Variants in CSMD3 observed in about 807,000 individuals in gnomAD.
The protein encoded by CSMD3 is CUB and Sushi multiple domains 3, also known as CUB and sushi domain-containing protein 3.
Under a neutral mutation model 435.2 loss-of-function variants are expected in CSMD3, and 177 were observed. That is an observed-to-expected ratio of 0.41 (90% CI 0.36 to 0.46). The LOEUF (loss-of-function observed/expected upper bound fraction) is 0.46, where lower values mean the gene tolerates loss of function less well. Among genes scored for constraint, CSMD3 ranks in the 20% least tolerant of loss-of-function variants. CSMD3 has a pLI of 0.34. For missense variants in CSMD3, 4,265 were observed against 4,504.6 expected (o/e 0.95, Z 1.52); for synonymous variants, 1,656 against 1,520.5 (o/e 1.09, Z -2.07).
At chr8:113,222,953 G>A (rs997500249) in intron 3 of CSMD3, among the ~76,000 whole-genome samples, 1 of 150,764 alleles carries the variant, frequency 6.6e-6, no homozygotes, top group African/African-American at 2.4e-5. Context: ...TCACATTCAG[G>A]TGGTTATTTA....
intron 13 of CSMD3, among the ~76,000 whole-genome samples, chr8:112,782,280 A>G (rs1011668948): frequency 1.3e-5 from 2 of 152,156 alleles, no homozygotes; most frequent in Non-Finnish European, 2.9e-5. Context: ...TATGGAGCTG[A>G]AAAAGGCAAT....
chr8:113,319,332 T>C (rs1383835081), intron 1 of CSMD3, among the ~76,000 whole-genome samples: 2 of 152,086 alleles, frequency 1.3e-5, no homozygotes, highest in East Asian at 1.9e-4. Context: ...TCTTTTCATA[T>C]ACCTTTTTGC....
At chr8:113,000,054 G>C (rs984909575) in intron 6 of CSMD3, among the ~76,000 whole-genome samples, 3 of 151,928 alleles carry the variant, frequency 2.0e-5, no homozygotes, top group Non-Finnish European at 4.4e-5. Flanking sequence ...GGAACTGCAG[G>C]GGATGACCCA....
intron 24 of CSMD3, among the ~76,000 whole-genome samples, chr8:112,564,345 C>T (rs1210714727): frequency 1.3e-5 from 2 of 150,424 alleles, no homozygotes; most frequent in Non-Finnish European, 3.0e-5. Flanking sequence ...CTCCCTTCTC[C>T]CCTCCTTTCT....
In CSMD3 at chr8:112,533,044, T is replaced by A. The variant is rs952220324; in HGVS notation, c.4565-15819A>T. 3.9e-5 allele frequency among the ~76,000 whole-genome samples: 6 copies of A among 152,202 alleles called. No individual in the cohort carries two copies. In the East Asian group the frequency reaches 9.6e-4, roughly 24 times the overall value. Reference sequence around the variant, plus strand: ...GCCACTAACCTTAAGTAGCCATTAGTTTAAAATAACTTGTACAACTAAAAG... The same window carrying A: ...GCCACTAACCTTAAGTAGCCATTAGATTAAAATAACTTGTACAACTAAAAG... On this transcript the variant is annotated intron_variant, in intron 27 of 70. Transcript: ENST00000297405.
At chr8:112,903,868 A>G (rs1460349996) in intron 10 of CSMD3, among the ~76,000 whole-genome samples, 1 of 151,294 alleles carries the variant, frequency 6.6e-6, no homozygotes, top group Non-Finnish European at 1.5e-5. Flanking sequence ...CACGAGGTAA[A>G]CAAATGCCAA....
chr8:113,120,175 C>G (rs1377560703), intron 4 of CSMD3, among the ~76,000 whole-genome samples: 3 of 151,926 alleles, frequency 2.0e-5, no homozygotes, highest in Non-Finnish European at 4.4e-5. Flanking sequence ...CTTCAAGTAT[C>G]AGGACTTTTT....
chr8:112,291,532 G>T lies in CSMD3; in HGVS notation c.8952C>A (p.Asp2984Glu). 3 of 1,609,340 alleles carry T rather than the reference G, an allele frequency of 1.9e-6. No homozygotes were observed. The highest frequency in any genetic ancestry group is 1.7e-6 in the Non-Finnish European group (2 of 1,176,336). Residue 2984 changes from aspartate (D) to glutamate (E), a missense_variant, in exon 56 of 71, where the codon GAC (aspartate) becomes GAA (glutamate). Physicochemically the swap from Asp to Glu is conservative, Grantham distance 45 (BLOSUM62 2). Coordinates refer to ENST00000297405, the MANE Select transcript of CSMD3 (RefSeq NM_198123.2). ...VLICQPNGQW[D>E]KPLPECIMID... is the part of the protein sequence containing the mutation. ...TACTGATACATTCTGGTAAAGGTTT[G>T]TCCCATTGTCCATTTGGTTGACATA...
In CSMD3 at chr8:113,156,934, A is replaced by AAGAC. The variant is rs1554792502; in HGVS notation, c.709+16787_709+16788insGTCT. Among the ~76,000 whole-genome samples, 82 of 147,862 alleles carry AAGAC rather than the reference A, an allele frequency of 5.5e-4. No homozygotes were observed. The East Asian group carries it at 0.014, about 25-fold the overall frequency. On this transcript the variant is annotated intron_variant, in intron 4 of 70. Coordinates refer to ENST00000297405, the MANE Select transcript of CSMD3 (RefSeq NM_198123.2). ...GTGACAGAAAGAGATTTTGTCTCAA[A>AAGAC]AGAGAGAGAGAGAGAGAGAGAGACA...
At chr8:112,705,397 C>T (rs944773153) in intron 13 of CSMD3, among the ~76,000 whole-genome samples, 1 of 152,032 alleles carries the variant, frequency 6.6e-6, no homozygotes, top group African/African-American at 2.4e-5. Flanking sequence ...AGCCCAAACC[C>T]CTTGTCTTCT....
At chr8:113,130,577 T>A (rs975273815) in intron 4 of CSMD3, among the ~76,000 whole-genome samples, 7 of 152,152 alleles carry the variant, frequency 4.6e-5, no homozygotes, top group African/African-American at 1.7e-4. Context: ...AACCTTTTTC[T>A]TCATAAATTA....
chr8:112,758,106 G>T (rs1231519319), intron 13 of CSMD3, among the ~76,000 whole-genome samples: 1 of 152,008 alleles, frequency 6.6e-6, no homozygotes, highest in Non-Finnish European at 1.5e-5. Flanking sequence ...TGTAATCCCA[G>T]CACTTTGGGA....
chr8:113,216,482 A>C (rs1484814411), intron 3 of CSMD3, among the ~76,000 whole-genome samples: 1 of 151,926 alleles, frequency 6.6e-6, no homozygotes, highest in Non-Finnish European at 1.5e-5. Flanking sequence ...GTATTTTCTC[A>C]GTTGTGACAA....
At chr8:112,901,457 T>A (rs74710135) in intron 10 of CSMD3, among the ~76,000 whole-genome samples, 1 of 151,294 alleles carries the variant, frequency 6.6e-6, no homozygotes, top group Admixed American at 6.6e-5. Flanking sequence ...AGTTTACAAT[T>A]CTGACAAAGT....
intron 45 of CSMD3, among the ~76,000 whole-genome samples, chr8:112,328,821 C>T (rs1823757999): frequency 6.6e-6 from 1 of 152,182 alleles, no homozygotes; most frequent in Non-Finnish European, 1.5e-5. Context: ...GTGCCTGCTT[C>T]CCCTTCTGCC....
chr8:112,902,862 T>C (rs1025513952), intron 10 of CSMD3, among the ~76,000 whole-genome samples: 2 of 151,216 alleles, frequency 1.3e-5, no homozygotes, highest in African/African-American at 4.8e-5. Flanking sequence ...GCATAAGCAT[T>C]GAGAGTTGTT....
At chr8:113,156,208 A>T (rs1430337080) in intron 4 of CSMD3, among the ~76,000 whole-genome samples, 6 of 152,110 alleles carry the variant, frequency 3.9e-5, no homozygotes, top group Non-Finnish European at 8.8e-5. Context: ...TTATCTCACT[A>T]TTCAGGTGCC....
intron 10 of CSMD3, among the ~76,000 whole-genome samples, chr8:112,873,808 T>TC (rs1267130123): frequency 6.7e-6 from 1 of 150,288 alleles, no homozygotes; most frequent in Non-Finnish European, 1.5e-5. Context: ...TCTCTTTTCT[T>TC]CTTTATTATT....
intron 23 of CSMD3, among the ~76,000 whole-genome samples, chr8:112,582,710 C>A (rs981507254): frequency 6.6e-6 from 1 of 151,878 alleles, no homozygotes; most frequent in African/African-American, 2.4e-5. Flanking sequence ...TTTGTGTCCC[C>A]CCAAATTTGT....
Sources: allele counts gnomAD v4.1 joint callset (sites outside exome capture counted in the v4.1 genomes callset), GRCh38; gene constraint gnomAD v4.1.1; transcripts MANE v1.5; gene names NCBI Gene and HGNC (gene_info 2026-07-23, HGNC 2026-07-21).